CENPN: variants seen among roughly 807,000 people sequenced by gnomAD.
The protein encoded by CENPN is interphase centromere complex protein 32.
A neutral mutation model predicts 48.6 loss-of-function variants in CENPN; 36 were observed. The ratio of observed to expected loss-of-function variants is 0.74; its 90% CI spans 0.57 to 0.98. The LOEUF (loss-of-function observed/expected upper bound fraction) is 0.98, where lower values mean the gene tolerates loss of function less well. CENPN is among the 50% of genes least tolerant of loss of function. CENPN has a pLI of 0.00. For missense variants in CENPN, 439 were observed against 399.2 expected (o/e 1.10, Z -0.85); for synonymous variants, 166 against 135.2 (o/e 1.23, Z -1.58).
rs989123313 is a variant in CENPN at position 81,014,279 on chromosome 16, G to A, written c.217+98G>A. 8.0e-6 allele frequency: 8 copies of A among 999,904 alleles called. No homozygotes were observed. The African/African-American group carries it at 1.3e-4, about 16-fold the overall frequency. 61.9% of individuals were successfully genotyped at this position (999,904 alleles called of 1,614,324 possible). On this transcript the variant is annotated intron_variant, in intron 3 of 10. Coordinates refer to ENST00000305850, the MANE Select transcript of CENPN (RefSeq NM_001100624.3). ...AGACAGGGTCTCCCTCTGTCGCCCA[G>A]GCTGGAGTGCAGTAACGCCATCTCA...
rs1970116890 is a variant in CENPN, at chr16:81,020,164, A to G, written c.419A>G (p.Gln140Arg). ...AVWIRIAWGT[Q>R]YTKPNQYKPT... ...TGGATTCGAATTGCCTGGGGAACACAGTACACAAAGCCAAACCAGTACAAA... is the reference window on the plus strand; with the variant it reads ...TGGATTCGAATTGCCTGGGGAACACGGTACACAAAGCCAAACCAGTACAAA... The change falls in exon 6 of 11, where the codon CAG becomes CGG. Residue 140 changes from glutamine to arginine, a missense_variant. Coordinates refer to ENST00000305850, the MANE Select transcript of CENPN (RefSeq NM_001100624.3). The G allele has an allele frequency of 4.3e-6, 7 of 1,613,948 alleles. No individual in the cohort carries two copies. The highest frequency in any genetic ancestry group is 5.9e-6 in the Non-Finnish European group (7 of 1,179,968).
intron 1 of CENPN, among the ~76,000 whole-genome samples, chr16:81,010,719 G>A (rs145774295): frequency 9.8e-4 from 149 of 152,300 alleles, no homozygotes; most frequent in Middle Eastern, 3.4e-3. Flanking sequence ...TGCCTCTCTC[G>A]CAGTCTTGGC....
In CENPN at chr16:81,008,596, G is replaced by A. The variant is rs921405780; in HGVS notation, c.-11+1319G>A. On this transcript the variant is annotated intron_variant, in intron 1 of 10. Coordinates refer to ENST00000305850, the MANE Select transcript of CENPN (RefSeq NM_001100624.3). ...CATGTTGGCCTGGGTGGTCTTGAAC[G>A]ACTGACCTCAAGTGATACACCACGC... 5.3e-4 allele frequency among the ~76,000 whole-genome samples: 80 copies of A among 152,190 alleles called. 2 individuals carry two copies. The highest frequency in any genetic ancestry group is 5.2e-3 in the Admixed American group (79 of 15,278).
chr16:81,032,545 A>G (rs1191025702), downstream of CENPN: 2 of 1,553,858 alleles, frequency 1.3e-6, no homozygotes, highest in East Asian at 2.3e-5. Context: ...TTATCAGTTG[A>G]TTTTCAGTGT....
At chr16:81,032,940 C>T (rs1275492834), downstream of CENPN, 2 of 338,150 alleles carry the variant, frequency 5.9e-6, no homozygotes, top group Non-Finnish European at 1.1e-5. Context: ...CTGTGGCCAA[C>T]CAACCAATGA....
chr16:81,026,853 G>C (rs1970521342), intron 9 of CENPN, among the ~76,000 whole-genome samples: 2 of 152,092 alleles, frequency 1.3e-5, no homozygotes, highest in Non-Finnish European at 2.9e-5. Flanking sequence ...TCTGGGCTGG[G>C]CGTGATGGCT....
chr16:81,020,746 A>T (rs1046726078), intron 6 of CENPN, among the ~76,000 whole-genome samples: 1 of 152,174 alleles, frequency 6.6e-6, no homozygotes, highest in African/African-American at 2.4e-5. Context: ...CGTTCGTTCA[A>T]AATAACTACT....
intron 6 of CENPN, among the ~76,000 whole-genome samples, chr16:81,022,143 G>C (rs1233077369): frequency 1.3e-5 from 2 of 152,078 alleles, no homozygotes; most frequent in African/African-American, 4.8e-5. Context: ...TAGTAATTCT[G>C]TTTCAGTCTT....
In CENPN at chr16:81,030,404, A is replaced by AG. The variant is rs1258698848; in HGVS notation, c.*1758dup. The AG allele has an allele frequency of 2.0e-6, 2 of 984,812 alleles. No homozygotes were observed. Among genetic ancestry groups the AG allele is most frequent in the African/African-American group, 3.5e-5 (2 of 57,130 alleles). 61.0% of individuals were successfully genotyped at this position (984,812 alleles called of 1,614,324 possible). On this transcript the variant is annotated 3_prime_UTR_variant, in exon 11 of 11. Transcript: ENST00000305850. Reference sequence around the variant, plus strand: ...ACTTCTGATACCAGATATGTGGGGGAGGGGGTTTCCCCCACACATTAAGCA... The same window carrying AG: ...ACTTCTGATACCAGATATGTGGGGGAGGGGGGTTTCCCCCACACATTAAGCA...
Position 81,029,003 on chromosome 16 carries a change from A to C in CENPN, c.*352A>C. The stretch of plus-strand genomic sequence containing the variant: ...TTTTTTCTATGGCTGTCTCTTCTCA[A>C]TTCTGGAGAGGTCTGGTTCCAGTGG... On this transcript the variant is annotated 3_prime_UTR_variant, in exon 11 of 11. Transcript: ENST00000305850. 1.0e-6 allele frequency: 1 copy of C among 999,112 alleles called. No individual in the cohort carries two copies. The allele number at this position is 999,112 out of a possible 1,614,324, so 61.9% of individuals were successfully genotyped here.
intron 2 of CENPN, 150 bp downstream of exon 2, chr16:81,012,260 C>A (rs112301540): frequency 2.8e-5 from 14 of 500,938 alleles, no homozygotes; most frequent in Non-Finnish European, 4.6e-5. Context: ...TGGAAAAAAA[C>A]CTAATTTTTA....
At chr16:81,026,145 ATATATATATGTGTATATATATGTG>A (rs1195283649) in intron 8 of CENPN, among the ~76,000 whole-genome samples, 3 of 141,998 alleles carry the variant, frequency 2.1e-5, no homozygotes, top group African/African-American at 8.3e-5. Context: ...ATATATATGT[ATATATATATGTGTATATATATGTG>A]TATATATATG....
chr16:81,015,909 G>A (rs549396102), intron 3 of CENPN, among the ~76,000 whole-genome samples: 1 of 152,072 alleles, frequency 6.6e-6, no homozygotes, highest in African/African-American at 2.4e-5. Context: ...GGAGGCTGAG[G>A]CAGGAGAATC....
chr16:81,013,680 G>GT (rs745936156), intron 2 of CENPN, among the ~76,000 whole-genome samples: 92 of 151,860 alleles, frequency 6.1e-4, no homozygotes, highest in Non-Finnish European at 1.0e-3. Flanking sequence ...AAGATTGCGC[G>GT]TTTGCACTCC....
Position 81,015,982 on chromosome 16 carries a change from C to T in CENPN, c.218-1344C>T, listed in dbSNP as rs150999639. 2.9e-3 allele frequency among the ~76,000 whole-genome samples: 437 copies of T among 149,314 alleles called. 4 individuals carry two copies. The highest frequency in any genetic ancestry group is 0.01 in the African/African-American group (415 of 40,536). Reference sequence around the variant, plus strand: ...ATCACACCACTGCACTCCAGCCTGGCGACACCGTGAGACTCTGTCTCAAAA... The same window carrying T: ...ATCACACCACTGCACTCCAGCCTGGTGACACCGTGAGACTCTGTCTCAAAA... On this transcript the variant is annotated intron_variant, in intron 3 of 10. Transcript: ENST00000305850.
At chr16:81,009,863 G>C (rs556779444) in intron 1 of CENPN, among the ~76,000 whole-genome samples, 1 of 152,324 alleles carries the variant, frequency 6.6e-6, no homozygotes, top group South Asian at 2.1e-4. Context: ...ACACTGTTAA[G>C]GGACATTAAA....
chr16:81,022,432 T>G (rs1970258282), intron 6 of CENPN, 165 bp from the exon 7 acceptor site: 1 of 609,004 alleles, frequency 1.6e-6, no homozygotes, highest in African/African-American at 1.9e-5. Flanking sequence ...ATTAACCACT[T>G]TGTTTTTGAA....
Position 81,028,251 on chromosome 16 carries a change from C to A in CENPN, c.891C>A (p.Phe297Leu), listed in dbSNP as rs781178168. ...REEPLRCLIK[F>L]SSPHLLEALK... is the part of the protein sequence containing the mutation. ...AACCCCTCCGATGCCTAATAAAGTT[C>A]TCTAGCCCACATCTTCTGGAAGCAT... The change falls in exon 10 of 11, where the codon TTC (phenylalanine) becomes TTA (leucine). Residue 297 changes from phenylalanine (F) to leucine (L), a missense_variant. Coordinates refer to ENST00000305850, the MANE Select transcript of CENPN (RefSeq NM_001100624.3). 2.5e-6 allele frequency: 4 copies of A among 1,614,058 alleles called. No homozygotes were observed. The highest frequency in any genetic ancestry group is 3.4e-6 in the Non-Finnish European group (4 of 1,179,910).
At chr16:81,025,356 A>G (rs916662598) in intron 8 of CENPN, among the ~76,000 whole-genome samples, 18 of 152,338 alleles carry the variant, frequency 1.2e-4, no homozygotes, top group African/African-American at 3.8e-4. Flanking sequence ...TAAATTTACA[A>G]AAGTGGTGGG....
Sources: gnomAD v4.1 joint callset for allele counts (sites outside exome capture counted in the v4.1 genomes callset) on GRCh38, gnomAD v4.1.1 for gene constraint, MANE v1.5 for transcripts, NCBI Gene and HGNC (gene_info 2026-07-23, HGNC 2026-07-21) for gene names.